ZNF619: variants seen among roughly 807,000 people sequenced by gnomAD.
ZNF619 encodes zinc finger protein 619.
A neutral mutation model predicts 14.2 loss-of-function variants in ZNF619; 9 were observed. The observed-to-expected ratio is 0.64, with a 90% CI of 0.38 to 1.11. The LOEUF is 1.11. Among genes scored for constraint, ZNF619 ranks in the 50% least tolerant of loss-of-function variants. ZNF619 has a pLI of 0.01. For synonymous variants in ZNF619, 246 were observed against 252.8 expected (o/e 0.97, Z 0.26); for missense variants, 659 against 680.1 (o/e 0.97, Z 0.34).
chr3:40,481,476 T>C (rs998758371), intron 2 of ZNF619, among the ~76,000 whole-genome samples: 14 of 152,110 alleles, frequency 9.2e-5, no homozygotes, highest in African/African-American at 3.4e-4. Flanking sequence ...TAGCAGAAGA[T>C]GTAGAGGAGG....
intron 2 of ZNF619, among the ~76,000 whole-genome samples, chr3:40,480,832 T>C (rs1047062661): frequency 6.6e-6 from 1 of 152,208 alleles, no homozygotes; most frequent in Non-Finnish European, 1.5e-5. Context: ...TTAGATTTCT[T>C]CACTCAGAAG....
At position 40,487,954 on chromosome 3, in the gene ZNF619, A is replaced by T; in HGVS notation, c.1444A>T (p.Lys482Ter). 1 of 1,614,202 alleles carries T rather than the reference A, an allele frequency of 6.2e-7. No individual in the cohort carries two copies. Among genetic ancestry groups the T allele is most frequent in the Non-Finnish European group, 8.5e-7 (1 of 1,180,036 alleles). ...IQHQKWHTRK[K>*]LINGTGLSAV... ...GCATCAGAAGTGGCATACTAGGAAGAAACTCATCAATGGAACAGGGCTATC... is the reference window on the plus strand; with the variant it reads ...GCATCAGAAGTGGCATACTAGGAAGTAACTCATCAATGGAACAGGGCTATC... The change falls in exon 5 of 5, where the codon AAA becomes TAA. Residue 482 changes from lysine to a stop codon, truncating the protein, a stop_gained. Coordinates refer to ENST00000432264, the MANE Select transcript of ZNF619 (RefSeq NM_001145093.4). LOFTEE classifies it low-confidence loss of function (END_TRUNC).
chr3:40,480,895 A>G (rs1041104460), intron 2 of ZNF619, among the ~76,000 whole-genome samples: 1 of 152,196 alleles, frequency 6.6e-6, no homozygotes, highest in Non-Finnish European at 1.5e-5. Context: ...GAAAGACTAC[A>G]GTGTGAGTCA....
rs906340561 is a variant in ZNF619 at position 40,486,913 on chromosome 3, C to A, written c.403C>A (p.Gln135Lys). ...GGAGGGACTGCTGATGGACGTTCCC[C>A]AGCACCCTGACTTCAAGGACAGGTT... Reference protein sequence around the residue: ...IVEGLLMDVPQHPDFKDRLEK... With the variant: ...IVEGLLMDVPKHPDFKDRLEK... The change falls in exon 5 of 5, where the codon CAG (glutamine) becomes AAG (lysine). Residue 135 changes from glutamine to lysine, a missense_variant. Coordinates refer to ENST00000432264, the MANE Select transcript of ZNF619 (RefSeq NM_001145093.4). 2 of 1,614,172 alleles carry A rather than the reference C, an allele frequency of 1.2e-6. No individual in the cohort carries two copies. The highest frequency in any genetic ancestry group is 1.7e-6 in the Non-Finnish European group (2 of 1,180,044).
Position 40,489,658 on chromosome 3 carries a change from T to G in ZNF619, c.*1417T>G, listed in dbSNP as rs1697749126. 6.6e-6 allele frequency: 1 copy of G among 152,054 alleles called. No individual in the cohort carries two copies. Among genetic ancestry groups the G allele is most frequent in the African/African-American group, 2.4e-5 (1 of 41,422 alleles). 9.4% of individuals were successfully genotyped at this position (152,054 alleles called of 1,614,324 possible). ...GTAGATGCCTGAGTATAGTAATCTC[T>G]AAAGCTGTACATGGATGGAACTTGT... On this transcript the variant is annotated 3_prime_UTR_variant, in exon 5 of 5. Coordinates refer to ENST00000432264, the MANE Select transcript of ZNF619 (RefSeq NM_001145093.4).
chr3:40,483,295 T>C (rs897054466), intron 4 of ZNF619, among the ~76,000 whole-genome samples: 4 of 151,500 alleles, frequency 2.6e-5, no homozygotes, highest in African/African-American at 9.7e-5. Flanking sequence ...GGTTTTGGTT[T>C]TTTTTTTTTT....
intron 4 of ZNF619, among the ~76,000 whole-genome samples, chr3:40,482,945 C>T (rs1039650826): frequency 6.6e-5 from 10 of 152,186 alleles, no homozygotes; most frequent in Non-Finnish European, 1.5e-4. Context: ...GATGTGGTGG[C>T]TTACACCTAT....
intron 4 of ZNF619, among the ~76,000 whole-genome samples, chr3:40,486,550 A>C (rs1575271381): frequency 6.6e-6 from 1 of 152,028 alleles, no homozygotes; most frequent in Non-Finnish European, 1.5e-5. Flanking sequence ...AAATACAAAA[A>C]ATTAGCCGGG....
At chr3:40,478,723 G>A (rs560885409) in intron 2 of ZNF619, among the ~76,000 whole-genome samples, 1 of 152,088 alleles carries the variant, frequency 6.6e-6, no homozygotes, top group South Asian at 2.1e-4. Flanking sequence ...TTTTTCTCCA[G>A]TGTCCTAGAT....
In ZNF619 at chr3:40,487,519, A is replaced by G; in HGVS notation, c.1009A>G (p.Ile337Val). Residue 337 changes from isoleucine to valine, a missense_variant, in exon 5 of 5, where the codon ATT becomes GTT. Transcript: ENST00000432264. The stretch of plus-strand genomic sequence containing the variant: ...CTATGACTGCATCATCCATGAACGA[A>G]TTCACAATGGGGAGAAGCCCTATGA... ...CSYDCIIHER[I>V]HNGEKPYECK... The G allele has an allele frequency of 6.2e-7, 1 of 1,614,142 alleles. No individual in the cohort carries two copies. The highest frequency in any genetic ancestry group is 8.5e-7 in the Non-Finnish European group (1 of 1,180,004).
At position 40,487,403 on chromosome 3, in the gene ZNF619, G is replaced by A; in HGVS notation, c.893G>A (p.Ser298Asn). ...TGTACTGACTGTGGTAAAACCTTCA[G>A]TTATAATTCAAAACTGATTCGGCAT... ...YECTDCGKTFSYNSKLIRHQR... is the reference protein window; with the variant it reads ...YECTDCGKTFNYNSKLIRHQR... Residue 298 changes from serine to asparagine, a missense_variant, in exon 5 of 5, where the codon AGT becomes AAT. By Grantham distance (46) the Ser-to-Asn change is conservative (BLOSUM62 1). Coordinates refer to ENST00000432264, the MANE Select transcript of ZNF619 (RefSeq NM_001145093.4). 1.2e-6 allele frequency: 2 copies of A among 1,614,222 alleles called. No individual in the cohort carries two copies. The highest frequency in any genetic ancestry group is 1.7e-6 in the Non-Finnish European group (2 of 1,180,046).
chr3:40,483,371 A>C (rs1366060249), intron 4 of ZNF619, among the ~76,000 whole-genome samples: 2 of 148,294 alleles, frequency 1.3e-5, no homozygotes, highest in African/African-American at 2.5e-5. Context: ...GTTCACCACA[A>C]CCTCCGCCTC....
chr3:40,483,014 A>C (rs1481618684), intron 4 of ZNF619, among the ~76,000 whole-genome samples: 3 of 152,318 alleles, frequency 2.0e-5, no homozygotes, highest in African/African-American at 7.2e-5. Flanking sequence ...GTTCAAGACC[A>C]GCCCGAACAA....
chr3:40,483,746 A>C (rs1000991368), intron 4 of ZNF619: 3 of 398,024 alleles, frequency 7.5e-6, no homozygotes, highest in African/African-American at 6.4e-5. Context: ...CTCCTGCCTC[A>C]ACCTCCCAAG....
rs138371948 is a variant in ZNF619, at chr3:40,482,222, T to A, written c.178+206T>A. On this transcript the variant is annotated intron_variant, in intron 3 of 4. Coordinates refer to ENST00000432264, the MANE Select transcript of ZNF619 (RefSeq NM_001145093.4). Reference sequence around the variant, plus strand: ...CAGGACTTTTCTCTTCCCTGGTTCCTAATGGAGACCCAACTGCAGGGGGCT... The same window carrying A: ...CAGGACTTTTCTCTTCCCTGGTTCCAAATGGAGACCCAACTGCAGGGGGCT... The A allele has an allele frequency of 8.1e-4, 1,249 of 1,551,474 alleles. 16 individuals carry two copies. In the African/African-American group the frequency reaches 0.016, roughly 20 times the overall value.
intron 3 of ZNF619, chr3:40,482,271 G>A: frequency 6.4e-7 from 1 of 1,551,894 alleles, no homozygotes; most frequent in Non-Finnish European, 8.7e-7. Flanking sequence ...AGAGAGAACT[G>A]AGAAGGTTCC....
At chr3:40,478,394 T>C (rs1697271104) in intron 2 of ZNF619, among the ~76,000 whole-genome samples, 1 of 152,174 alleles carries the variant, frequency 6.6e-6, no homozygotes, top group South Asian at 2.1e-4. Flanking sequence ...GGAGTGCTAG[T>C]CTGCGTTCAC....
chr3:40,490,375 G>C lies in ZNF619; in HGVS notation c.*2134G>C, dbSNP rs1421782122. ...GGAACTGAGTAATGGGTAGAGGCTT[G>C]AAAAATCTGGAAGATCAGGTCAGAC... On this transcript the variant is annotated 3_prime_UTR_variant, in exon 5 of 5. Coordinates refer to ENST00000432264, the MANE Select transcript of ZNF619 (RefSeq NM_001145093.4). 1.3e-5 allele frequency: 2 copies of C among 152,238 alleles called. No individual in the cohort carries two copies. Among genetic ancestry groups the C allele is most frequent in the African/African-American group, 4.8e-5 (2 of 41,452 alleles). 9.4% of individuals were successfully genotyped at this position (152,238 alleles called of 1,614,324 possible).
Position 40,487,981 on chromosome 3 carries a change from G to A in ZNF619, c.1471G>A (p.Ala491Thr), listed in dbSNP as rs752578921. 1.2e-5 allele frequency: 19 copies of A among 1,614,046 alleles called. No individual in the cohort carries two copies. In the Middle Eastern group the frequency reaches 6.6e-4, roughly 56 times the overall value. Reference sequence around the variant, plus strand: ...ACTCATCAATGGAACAGGGCTATCCGCAGTTAAGCCCTACTGTCCCTGCGC... The same window carrying A: ...ACTCATCAATGGAACAGGGCTATCCACAGTTAAGCCCTACTGTCCCTGCGC... ...KKLINGTGLS[A>T]VKPYCPCAIL... is the part of the protein sequence containing the mutation. Residue 491 changes from alanine to threonine, a missense_variant, in exon 5 of 5, where the codon GCA becomes ACA. Coordinates refer to ENST00000432264, the MANE Select transcript of ZNF619 (RefSeq NM_001145093.4).
Sources: gnomAD v4.1 joint callset for allele counts (sites outside exome capture counted in the v4.1 genomes callset) on GRCh38, gnomAD v4.1.1 for gene constraint, MANE v1.5 for transcripts, NCBI Gene and HGNC (gene_info 2026-07-23, HGNC 2026-07-21) for gene names.